KIF13B: variants seen among roughly 807,000 people sequenced by gnomAD.
The protein encoded by KIF13B is kinesin family member 13B, also known as kinesin-like protein KIF13B.
Under a neutral mutation model 222.0 loss-of-function variants are expected in KIF13B, and 127 were observed. That is an observed-to-expected ratio of 0.57 (90% CI 0.50 to 0.66). The LOEUF is 0.66. KIF13B is among the 30% of genes least tolerant of loss of function. KIF13B has a pLI of 0.00. For synonymous variants in KIF13B, 976 were observed against 919.0 expected, an observed-to-expected ratio of 1.06 and a Z score of -1.12; for missense variants, 2,173 against 2,379.0, an observed-to-expected ratio of 0.91 and a Z score of 1.80.
Position 29,186,355 on chromosome 8 carries a change from T to G in KIF13B, c.434A>C (p.Lys145Thr). 3 of 1,613,888 alleles carry G rather than the reference T, an allele frequency of 1.9e-6. No individual in the cohort carries two copies. Among genetic ancestry groups the G allele is most frequent in the South Asian group, 2.2e-5 (2 of 91,088 alleles). Residue 145 changes from lysine to threonine, a missense_variant, in exon 6 of 40, where the codon AAA becomes ACA. Lys to Thr is a moderately conservative substitution (Grantham distance 78). Transcript: ENST00000524189. The part of the protein sequence containing the change: ...QKEENEEQSF[K>T]VEVSYMEIYN... ...AATTTCCATGTAGGACACTTCTACT[T>G]TAAAACTCTGTTCTTCATTTTCCTC...
At chr8:29,173,324 C>T (rs973445060) in intron 10 of KIF13B, among the ~76,000 whole-genome samples, 2 of 151,916 alleles carry the variant, frequency 1.3e-5, no homozygotes, top group African/African-American at 4.8e-5. Flanking sequence ...AGTATCTTAT[C>T]AAGATTTCTT....
At position 29,232,827 on chromosome 8, in the gene KIF13B, G is replaced by A. The variant is rs1357598339; in HGVS notation, c.149+12519C>T. ...GAGACTCCATAGCACCCATACCACTGCCCACTCTCTCACCCCTCCAGCACC... is the reference window on the plus strand; with the variant it reads ...GAGACTCCATAGCACCCATACCACTACCCACTCTCTCACCCCTCCAGCACC... On this transcript the variant is annotated intron_variant, in intron 2 of 39. Coordinates refer to ENST00000524189, the MANE Select transcript of KIF13B (RefSeq NM_015254.4). Among the ~76,000 whole-genome samples, 6 of 152,046 alleles carry A rather than the reference G, an allele frequency of 3.9e-5. No homozygotes were observed. The East Asian group carries it at 1.2e-3, about 29-fold the overall frequency.
In KIF13B at chr8:29,188,612, G is replaced by C; in HGVS notation, c.224-5C>G. 1.3e-6 allele frequency: 2 copies of C among 1,581,476 alleles called. No homozygotes were observed. Among genetic ancestry groups the C allele is most frequent in the Non-Finnish European group, 1.7e-6 (2 of 1,155,466 alleles). On this transcript the variant is annotated splice_polypyrimidine_tract_variant and splice_region_variant and intron_variant, in intron 4 of 39. Transcript: ENST00000524189. ...ACTTGAAAACAATATCTTGACCTGA[G>C]AGAGAGAGAATAAGAGAAAAGATAT...
intron 26 of KIF13B, among the ~76,000 whole-genome samples, chr8:29,125,280 A>G (rs752944256): frequency 2.0e-5 from 3 of 152,164 alleles, no homozygotes; most frequent in South Asian, 2.1e-4. Context: ...ACCTACATGA[A>G]TATCAATCTT....
intron 2 of KIF13B, among the ~76,000 whole-genome samples, chr8:29,240,060 G>A (rs1429544329): frequency 1.3e-5 from 2 of 149,026 alleles, no homozygotes; most frequent in East Asian, 3.9e-4. Context: ...AGAAAGAACA[G>A]GAAATTTGAT....
intron 13 of KIF13B, among the ~76,000 whole-genome samples, chr8:29,159,385 A>G (rs997735825): frequency 2.6e-5 from 4 of 152,062 alleles, no homozygotes; most frequent in African/African-American, 9.7e-5. Context: ...CCTGACCTCA[A>G]GTGATCTGCC....
At chr8:29,120,266 T>G (rs1187617816) in intron 29 of KIF13B, among the ~76,000 whole-genome samples, 1 of 121,866 alleles carries the variant, frequency 8.2e-6, no homozygotes, top group Non-Finnish European at 1.7e-5. Flanking sequence ...GCCATGCTGG[T>G]GCGCTGCACC....
chr8:29,254,098 A>G (rs1223526757), intron 1 of KIF13B, among the ~76,000 whole-genome samples: 1 of 152,218 alleles, frequency 6.6e-6, no homozygotes, highest in Non-Finnish European at 1.5e-5. Flanking sequence ...GAGAAAGAAC[A>G]GTCTTTTCAT....
chr8:29,144,966 G>A (rs1167907292), intron 18 of KIF13B, among the ~76,000 whole-genome samples: 3 of 152,150 alleles, frequency 2.0e-5, no homozygotes, highest in African/African-American at 4.8e-5. Flanking sequence ...AAAGGGCTGC[G>A]GTCATGCTTA....
intron 2 of KIF13B, among the ~76,000 whole-genome samples, chr8:29,204,722 T>A (rs1489296627): frequency 5.3e-5 from 8 of 152,192 alleles, no homozygotes; most frequent in Non-Finnish European, 1.0e-4. Flanking sequence ...TTAGAATACA[T>A]TACTGAGCTG....
At chr8:29,242,012 C>T (rs929642983) in intron 2 of KIF13B, among the ~76,000 whole-genome samples, 6 of 152,260 alleles carry the variant, frequency 3.9e-5, no homozygotes, top group African/African-American at 1.2e-4. Flanking sequence ...TTTTATAACA[C>T]AAATGATTCA....
At chr8:29,079,634 T>A (rs1053996128) in intron 37 of KIF13B, among the ~76,000 whole-genome samples, 29 of 151,966 alleles carry the variant, frequency 1.9e-4, no homozygotes, top group African/African-American at 2.7e-4. Flanking sequence ...GGAAAAGAGG[T>A]CCCAGTTGAA....
rs779941766 is a variant in KIF13B, at chr8:29,075,369, G to T, written c.4459-26C>A. The T allele has an allele frequency of 3.4e-5, 52 of 1,549,532 alleles. No individual in the cohort carries two copies. The South Asian group carries it at 6.2e-4, about 19-fold the overall frequency. ...CTGAGGAGGCAAGTGTGCAGGTCAG[G>T]GGTCGAGAGGACAGAACAGGGGTAG... On this transcript the variant is annotated intron_variant, in intron 37 of 39. Coordinates refer to ENST00000524189, the MANE Select transcript of KIF13B (RefSeq NM_015254.4).
chr8:29,071,772 G>C lies in KIF13B; in HGVS notation c.5066C>G (p.Ser1689Cys). 1 of 1,549,132 alleles carries C rather than the reference G, an allele frequency of 6.5e-7. No homozygotes were observed. Among genetic ancestry groups the C allele is most frequent in the East Asian group, 2.4e-5 (1 of 40,902 alleles). ...APGAGGQALA[S>C]DSEEADEVPE... Reference sequence around the variant, plus strand: ...GACCTCGTCAGCTTCCTCGGAATCAGAGGCCAGGGCCTGTCCCCCGGCGCC... The same window carrying C: ...GACCTCGTCAGCTTCCTCGGAATCACAGGCCAGGGCCTGTCCCCCGGCGCC... The change falls in exon 39 of 40, where the codon TCT (serine) becomes TGT (cysteine). Residue 1689 changes from serine to cysteine, a missense_variant. This residue lies in a region of KIF13B where 693 missense variants were observed against 656.2 expected (regional missense o/e 1.06). Coordinates refer to ENST00000524189, the MANE Select transcript of KIF13B (RefSeq NM_015254.4). The surrounding 1 kb of genome is among the most constrained non-coding windows in gnomAD (Gnocchi z 4.9).
rs769897399 is a variant in KIF13B, at chr8:29,177,456, G to A, written c.833+10C>T. On this transcript the variant is annotated intron_variant, in intron 9 of 39. Coordinates refer to ENST00000524189, the MANE Select transcript of KIF13B (RefSeq NM_015254.4). The stretch of plus-strand genomic sequence containing the variant: ...ATAAAGCAATAAAAATAAGCTTTGA[G>A]AGCACTTACTTGTTAATGTTGCTCC... 4 of 1,523,150 alleles carry A rather than the reference G, an allele frequency of 2.6e-6. No individual in the cohort carries two copies. The highest frequency in any genetic ancestry group is 3.3e-5 in the Admixed American group (2 of 59,902). The allele number at this position is 1,523,150 out of a possible 1,614,324, so 94.4% of individuals were successfully genotyped here.
chr8:29,150,021 C>T (rs183318434), intron 15 of KIF13B, among the ~76,000 whole-genome samples: 7 of 152,178 alleles, frequency 4.6e-5, no homozygotes, highest in African/African-American at 1.7e-4. Flanking sequence ...TTACACCACA[C>T]GGCAAAAGAA....
chr8:29,092,746 T>C lies in KIF13B; in HGVS notation c.4457A>G (p.Gln1486Arg). ...AGCTGTTTTCTCGGTGCTTTTTACC[T>C]GGTGTGCGAGGGGAGACGGCCGCTT... ...RGKRPSPLAH[Q>R]PVPRIMVQSA... The change falls in exon 37 of 40, where the codon CAG becomes CGG. Residue 1486 changes from glutamine (Q) to arginine (R), a missense_variant and splice_region_variant. Gln to Arg is a conservative substitution (Grantham distance 43). This residue lies in a region of KIF13B where 693 missense variants were observed against 656.2 expected (regional missense o/e 1.06). Coordinates refer to ENST00000524189, the MANE Select transcript of KIF13B (RefSeq NM_015254.4). 6.2e-7 allele frequency: 1 copy of C among 1,608,774 alleles called. No homozygotes were observed. Among genetic ancestry groups the C allele is most frequent in the Non-Finnish European group, 8.5e-7 (1 of 1,178,220 alleles).
At chr8:29,152,681 G>A (rs920764560) in intron 14 of KIF13B, among the ~76,000 whole-genome samples, 15 of 152,084 alleles carry the variant, frequency 9.9e-5, no homozygotes, top group Non-Finnish European at 1.8e-4. Flanking sequence ...GTGTAATCTC[G>A]GTTCACTGAA....
rs779958397 is a variant in KIF13B, at chr8:29,130,682, G to C, written c.2943-17C>G. 3 of 1,613,286 alleles carry C rather than the reference G, an allele frequency of 1.9e-6. No homozygotes were observed. The highest frequency in any genetic ancestry group is 2.2e-5 in the East Asian group (1 of 44,854). ...TCACTCCATCTAGGAAATAAGCGAA[G>C]TTCTTGGAAAATCATACATTTCTAT... is the stretch of plus-strand genomic sequence containing the variant. On this transcript the variant is annotated splice_polypyrimidine_tract_variant and intron_variant, in intron 23 of 39. Coordinates refer to ENST00000524189, the MANE Select transcript of KIF13B (RefSeq NM_015254.4).
Sources: allele counts gnomAD v4.1 joint callset (sites outside exome capture counted in the v4.1 genomes callset), GRCh38; gene constraint gnomAD v4.1.1; regional missense constraint gnomAD v4.1.1; non-coding constraint Gnocchi (gnomAD v3.1); transcripts MANE v1.5; gene names NCBI Gene and HGNC (gene_info 2026-07-23, HGNC 2026-07-21).